Variants in CNKSR2 observed in about 807,000 individuals in gnomAD.
CNKSR2 encodes the protein connector enhancer of kinase suppressor of Ras 2, also known as CNK homolog protein 2.
CNKSR2 carries 14 observed loss-of-function variants against 84.4 expected under a neutral mutation model. The observed-to-expected ratio is 0.17, with a 90% confidence interval of 0.11 to 0.26. The LOEUF (loss-of-function observed/expected upper bound fraction) is 0.26, where lower values mean the gene tolerates loss of function less well. CNKSR2 is among the 10% of genes least tolerant of loss of function. The pLI is 1.00. For synonymous variants in CNKSR2, 275 were observed against 277.9 expected, an observed-to-expected ratio of 0.99 and a Z score of 0.10; for missense variants, 485 against 771.2, an observed-to-expected ratio of 0.63 and a Z score of 4.40.
chrX:21,606,977 T>G, intron 19 of CNKSR2, 98 bp downstream of exon 19: 1 of 436,506 alleles, frequency 2.3e-6, no homozygotes, highest in Non-Finnish European at 3.6e-6. Flanking sequence ...CATATCAAAT[T>G]TAAGGTTTCT....
intron 11 of CNKSR2, among the ~76,000 whole-genome samples, chrX:21,545,805 A>G (rs2092020161): frequency 8.9e-6 from 1 of 112,107 alleles, no homozygotes; most frequent in African/African-American, 3.3e-5. Context: ...ACCTCCAGCA[A>G]ACTCCAGCAG....
At chrX:21,531,349 T>C (rs182922791) in intron 10 of CNKSR2, among the ~76,000 whole-genome samples, 15 of 110,075 alleles carry the variant, frequency 1.4e-4, no homozygotes, top group African/African-American at 4.9e-4. Context: ...ATACCTACTG[T>C]CTTGAACACT....
chrX:21,583,595 T>A (rs753544023), intron 13 of CNKSR2, among the ~76,000 whole-genome samples: 1 of 111,980 alleles, frequency 8.9e-6, no homozygotes, highest in African/African-American at 3.2e-5. Flanking sequence ...ATCTTGGAAC[T>A]TTGCAGAAAA....
intron 1 of CNKSR2, among the ~76,000 whole-genome samples, chrX:21,403,958 T>C (rs2090228155): frequency 1.8e-5 from 2 of 112,207 alleles, no homozygotes; most frequent in Admixed American, 1.9e-4. Flanking sequence ...AAAAATAGCA[T>C]TGTATAGCAA....
intron 1 of CNKSR2, among the ~76,000 whole-genome samples, chrX:21,418,261 G>T (rs922345479): frequency 1.8e-5 from 2 of 111,507 alleles, no homozygotes; most frequent in African/African-American, 6.5e-5. Flanking sequence ...AAAAGCTGTT[G>T]TAGTTATTAT....
chrX:21,537,924 T>C (rs1047528577), intron 11 of CNKSR2: 14 of 111,161 alleles, frequency 1.3e-4, no homozygotes, highest in African/African-American at 4.6e-4. Flanking sequence ...GCTTATTCTT[T>C]GTTGCTTTCT....
At chrX:21,629,399 T>C (rs985765656) in intron 20 of CNKSR2, among the ~76,000 whole-genome samples, 4 of 112,149 alleles carry the variant, frequency 3.6e-5, no homozygotes, top group Non-Finnish European at 7.5e-5. Flanking sequence ...ACCAGTTTAC[T>C]GTATTAGTTC....
intron 13 of CNKSR2, among the ~76,000 whole-genome samples, chrX:21,580,229 T>G (rs984236699): frequency 7.1e-5 from 8 of 112,126 alleles, no homozygotes; most frequent in Non-Finnish European, 1.1e-4. Context: ...TAGTGACTTT[T>G]GATACTTTTT....
At chrX:21,487,452 A>C (rs1218574891) in intron 5 of CNKSR2, among the ~76,000 whole-genome samples, 1 of 111,711 alleles carries the variant, frequency 9.0e-6, no homozygotes, top group African/African-American at 3.3e-5. Context: ...TACATCCATT[A>C]CTTTCCTATT....
chrX:21,446,662 C>G (rs1309757411), intron 4 of CNKSR2, among the ~76,000 whole-genome samples: 1 of 110,781 alleles, frequency 9.0e-6, no homozygotes, highest in Admixed American at 9.6e-5. Flanking sequence ...TTTTATAAAC[C>G]AAAACTATAT....
chrX:21,551,334 T>C (rs2092089402), intron 11 of CNKSR2, among the ~76,000 whole-genome samples: 1 of 112,205 alleles, frequency 8.9e-6, no homozygotes, highest in Non-Finnish European at 1.9e-5. Flanking sequence ...CTGTGCATTC[T>C]GCACATGTAT....
At chrX:21,622,303 G>A (rs1332694099) in intron 20 of CNKSR2, among the ~76,000 whole-genome samples, 1 of 110,221 alleles carries the variant, frequency 9.1e-6, no homozygotes, top group Non-Finnish European at 1.9e-5. Flanking sequence ...ACAAACAATT[G>A]GTATTATTTT....
At chrX:21,567,686 T>C (rs185083301) in intron 13 of CNKSR2, among the ~76,000 whole-genome samples, 34 of 111,679 alleles carry the variant, frequency 3.0e-4, no homozygotes, top group African/African-American at 1.1e-3. Context: ...AGCATAACTT[T>C]ATTTTACCTA....
At chrX:21,458,916 T>C (rs1449072770) in intron 4 of CNKSR2, among the ~76,000 whole-genome samples, 1 of 111,022 alleles carries the variant, frequency 9.0e-6, no homozygotes, top group Non-Finnish European at 1.9e-5. Context: ...GCTTTTGTTG[T>C]TCTTCAGCTC....
At position 21,532,269 on chromosome X, in the gene CNKSR2, TAAG is replaced by T. The variant is rs1023650142; in HGVS notation, c.1303+205_1303+207del. 8 of 294,833 alleles carry T rather than the reference TAAG, an allele frequency of 2.7e-5. No homozygotes were observed. In the South Asian group the frequency reaches 4.2e-4, roughly 16 times the overall value. 24.3% of individuals were successfully genotyped at this position (294,833 alleles called of 1,213,427 possible). ...AAAATTATTCTAGATTTTCAAAAGA[TAAG>T]AAAGAACAGTAGGTAACATTGTAGC... On this transcript the variant is annotated intron_variant, in intron 11 of 21. Transcript: ENST00000379510.
chrX:21,517,991 A>G (rs2091745611), intron 9 of CNKSR2, among the ~76,000 whole-genome samples: 1 of 112,122 alleles, frequency 8.9e-6, no homozygotes, highest in African/African-American at 3.2e-5. Context: ...AAACACATAT[A>G]TGTGTCAACA....
intron 1 of CNKSR2, among the ~76,000 whole-genome samples, chrX:21,393,561 T>C (rs1258708407): frequency 8.9e-6 from 1 of 112,241 alleles, no homozygotes; most frequent in Non-Finnish European, 1.9e-5. Context: ...CCAATAATAC[T>C]TTTCATAAAA....
rs1010531480 is a variant in CNKSR2 at position 21,641,030 on chromosome X, A to G, written c.2693-7801A>G. Among the ~76,000 whole-genome samples the G allele has an allele frequency of 3.6e-5, 4 of 112,145 alleles. No individual in the cohort carries two copies. In the South Asian group the frequency reaches 1.5e-3, roughly 42 times the overall value. On this transcript the variant is annotated intron_variant, in intron 20 of 21. Transcript: ENST00000379510. ...GTTCCACTGTCTCACTGATTAGGAC[A>G]TGGTAGCATATATATCAGGTCAATC...
intron 15 of CNKSR2, chrX:21,592,821 T>C (rs1055397448): frequency 5.4e-5 from 6 of 110,345 alleles, no homozygotes; most frequent in South Asian, 3.8e-4. Context: ...ATTTAATAGA[T>C]ATATATTAAA....
Sources: gnomAD v4.1 joint callset for allele counts (sites outside exome capture counted in the v4.1 genomes callset) on GRCh38, gnomAD v4.1.1 for gene constraint, MANE v1.5 for transcripts, NCBI Gene and HGNC (gene_info 2026-07-23, HGNC 2026-07-21) for gene names.